The following SPIRE1 variants were observed in gnomAD, a reference collection of about 807,000 sequenced individuals.
SPIRE1 encodes the protein protein spire homolog 1.
A neutral mutation model predicts 94.1 loss-of-function variants in SPIRE1; 40 were observed. That is an observed-to-expected ratio of 0.43 (90% CI 0.33 to 0.55). SPIRE1 has a LOEUF of 0.55. SPIRE1 is among the 20% of genes least tolerant of loss of function. The probability of loss-of-function intolerance (pLI) is 0.06; values close to 1 mark genes in which losing one functional copy is unlikely to be tolerated. For missense variants in SPIRE1, 838 were observed against 975.2 expected (o/e 0.86, Z 1.87); for synonymous variants, 376 against 371.7 (o/e 1.01, Z -0.13).
intron 1 of SPIRE1, among the ~76,000 whole-genome samples, chr18:12,653,765 G>A (rs1032630902): frequency 3.3e-5 from 5 of 152,014 alleles, no homozygotes; most frequent in Non-Finnish European, 7.4e-5. Flanking sequence ...TGGGCAACAT[G>A]GGGAAACCCC....
intron 2 of SPIRE1, among the ~76,000 whole-genome samples, chr18:12,620,607 A>G (rs1285240414): frequency 6.6e-6 from 1 of 152,208 alleles, no homozygotes; most frequent in African/African-American, 2.4e-5. Flanking sequence ...TCCACACATA[A>G]AAGTATGAAG....
chr18:12,645,000 C>A (rs142752837), intron 1 of SPIRE1, among the ~76,000 whole-genome samples: 47 of 152,024 alleles, frequency 3.1e-4, no homozygotes, highest in African/African-American at 1.1e-3. Context: ...AACCCCAGTA[C>A]TTTGGGAGGC....
intron 3 of SPIRE1, among the ~76,000 whole-genome samples, chr18:12,544,551 C>T (rs1466010180): frequency 6.7e-6 from 1 of 149,788 alleles, no homozygotes. Context: ...CACTATGTTG[C>T]CCAGGCTGGT....
intron 2 of SPIRE1, among the ~76,000 whole-genome samples, chr18:12,599,278 C>G (rs1464222326): frequency 6.6e-6 from 1 of 152,082 alleles, no homozygotes; most frequent in Non-Finnish European, 1.5e-5. Context: ...TTTTTTGAGA[C>G]AGAGTCTCAT....
rs2036215289 is a variant in SPIRE1 at position 12,580,075 on chromosome 18, G to A, written c.373-33171C>T. On this transcript the variant is annotated intron_variant, in intron 2 of 16. Coordinates refer to ENST00000409402, the MANE Select transcript of SPIRE1 (RefSeq NM_001128626.2). ...GGGTCTTGGTGAAAACATGATAAGAGGAAGTAGAAACAGGATAGAAACAGC... is the reference window on the plus strand; with the variant it reads ...GGGTCTTGGTGAAAACATGATAAGAAGAAGTAGAAACAGGATAGAAACAGC... Among the ~76,000 whole-genome samples, 5 of 152,246 alleles carry A rather than the reference G, an allele frequency of 3.3e-5. No homozygotes were observed. The South Asian group carries it at 1.0e-3, about 32-fold the overall frequency.
intron 1 of SPIRE1, among the ~76,000 whole-genome samples, chr18:12,637,606 C>G (rs1468586474): frequency 2.6e-5 from 4 of 152,090 alleles, no homozygotes; most frequent in Admixed American, 6.6e-5. Flanking sequence ...AAAAGGAGCC[C>G]TGTGGTGGCA....
chr18:12,500,205 G>A (rs1227966482), intron 6 of SPIRE1, among the ~76,000 whole-genome samples: 2 of 152,092 alleles, frequency 1.3e-5, no homozygotes, highest in African/African-American at 2.4e-5. Context: ...TGATAGGTAC[G>A]CTAGAAACCC....
chr18:12,647,258 TG>T (rs2038252669), intron 1 of SPIRE1, among the ~76,000 whole-genome samples: 1 of 152,204 alleles, frequency 6.6e-6, no homozygotes, highest in Non-Finnish European at 1.5e-5. Flanking sequence ...TATCTACTTA[TG>T]CTGACCATAC....
intron 10 of SPIRE1, among the ~76,000 whole-genome samples, chr18:12,477,972 G>A (rs553902784): frequency 2.0e-5 from 3 of 152,210 alleles, no homozygotes; most frequent in South Asian, 2.1e-4. Flanking sequence ...TACAAAGAGC[G>A]GTGAGTGCAA....
At chr18:12,652,078 C>T (rs543505738) in intron 1 of SPIRE1, among the ~76,000 whole-genome samples, 2 of 152,284 alleles carry the variant, frequency 1.3e-5, no homozygotes, top group East Asian at 3.9e-4. Context: ...GTATTTAAGT[C>T]CTGAAAGACT....
At chr18:12,653,585 T>C (rs964906183) in intron 1 of SPIRE1, 7 of 152,214 alleles carry the variant, frequency 4.6e-5, no homozygotes, top group African/African-American at 1.7e-4. Flanking sequence ...CTACTAAGCC[T>C]AGACACTAAA....
intron 2 of SPIRE1, among the ~76,000 whole-genome samples, chr18:12,558,692 T>C (rs746162216): frequency 9.9e-5 from 15 of 151,750 alleles, no homozygotes; most frequent in Non-Finnish European, 1.9e-4. Context: ...TAGCTAGACA[T>C]AAAAGTTCGC....
At chr18:12,626,452 A>G (rs570778124) in intron 2 of SPIRE1, among the ~76,000 whole-genome samples, 2 of 152,268 alleles carry the variant, frequency 1.3e-5, no homozygotes, top group South Asian at 2.1e-4. Context: ...CCCTGTCCTC[A>G]TCTAAGAGGT....
intron 2 of SPIRE1, among the ~76,000 whole-genome samples, chr18:12,556,137 C>T (rs1403118341): frequency 6.6e-6 from 1 of 151,650 alleles, no homozygotes; most frequent in African/African-American, 2.4e-5. Context: ...CTATAAAACA[C>T]TGATGCAAGA....
At chr18:12,554,681 C>T (rs183668356) in intron 2 of SPIRE1, among the ~76,000 whole-genome samples, 2 of 152,204 alleles carry the variant, frequency 1.3e-5, no homozygotes, top group African/African-American at 4.8e-5. Context: ...ACAAAAGACA[C>T]ATCAAAAAAA....
At chr18:12,608,595 T>G (rs959455015) in intron 2 of SPIRE1, among the ~76,000 whole-genome samples, 3 of 152,196 alleles carry the variant, frequency 2.0e-5, no homozygotes, top group African/African-American at 7.2e-5. Context: ...CTTAGATGTG[T>G]GATATGTGTT....
rs201864753 is a variant in SPIRE1, at chr18:12,449,726, C to T, written c.2183G>A (p.Arg728Gln). The T allele has an allele frequency of 4.2e-5, 67 of 1,614,102 alleles. No individual in the cohort carries two copies. In the African/African-American group the frequency reaches 5.3e-4, roughly 13 times the overall value. Residue 728 changes from arginine to glutamine, a missense_variant, in exon 17 of 17, where the codon CGA (arginine) becomes CAA (glutamine). Physicochemically the swap from Arg to Gln is conservative, Grantham distance 43. Around this residue, in one of 2 missense-constraint regions of SPIRE1, gnomAD observed 645 missense variants for 804.7 expected, o/e 0.80. Coordinates refer to ENST00000409402, the MANE Select transcript of SPIRE1 (RefSeq NM_001128626.2). ...GAAAGACTGCGTTTTCCTTTTCAATCGGGCCCTTTTGTTGGCCAACACCAG... is the reference window on the plus strand; with the variant it reads ...GAAAGACTGCGTTTTCCTTTTCAATTGGGCCCTTTTGTTGGCCAACACCAG... ...RSLVLANKRA[R>Q]LKRKTQSFYM...
At chr18:12,579,223 A>G (rs1292646193) in intron 2 of SPIRE1, among the ~76,000 whole-genome samples, 4 of 150,864 alleles carry the variant, frequency 2.7e-5, no homozygotes, top group Admixed American at 1.3e-4. Flanking sequence ...ACACACACAC[A>G]CACACACACA....
At chr18:12,454,103 A>G (rs1159794075) in intron 13 of SPIRE1, among the ~76,000 whole-genome samples, 3 of 152,126 alleles carry the variant, frequency 2.0e-5, no homozygotes, top group Non-Finnish European at 4.4e-5. Flanking sequence ...TTTTAGGAAG[A>G]CATATCGATA....
Sources: gnomAD v4.1 joint callset for allele counts (sites outside exome capture counted in the v4.1 genomes callset) on GRCh38, gnomAD v4.1.1 for gene constraint, gnomAD v4.1.1 regional missense constraint, MANE v1.5 for transcripts, NCBI Gene and HGNC (gene_info 2026-07-23, HGNC 2026-07-21) for gene names.